SIPA1L1: variants seen among roughly 807,000 people sequenced by gnomAD.
SIPA1L1 encodes the protein signal induced proliferation associated 1 like 1.
Under a neutral mutation model 162.7 loss-of-function variants are expected in SIPA1L1, and 26 were observed. The ratio of observed to expected loss-of-function variants is 0.16; its 90% CI spans 0.12 to 0.22. The LOEUF (loss-of-function observed/expected upper bound fraction) is 0.22. Among genes scored for constraint, SIPA1L1 ranks in the 10% least tolerant of loss-of-function variants. SIPA1L1 has a pLI of 1.00. For missense variants in SIPA1L1, 1,874 were observed against 2,241.0 expected (o/e 0.84, Z 3.31); for synonymous variants, 829 against 837.4 (o/e 0.99, Z 0.17).
chr14:71,497,059 C>T (rs902075096), intron 2 of SIPA1L1, among the ~76,000 whole-genome samples: 2 of 152,188 alleles, frequency 1.3e-5, no homozygotes, highest in African/African-American at 4.8e-5. Flanking sequence ...ATCCCAGCTA[C>T]TCAGGAGGCT....
At chr14:71,320,675 C>T (rs1032358131) in intron 1 of SIPA1L1, 172 bp downstream of exon 1, 2 of 146,942 alleles carry the variant, frequency 1.4e-5, no homozygotes, top group African/African-American at 5.0e-5. Flanking sequence ...TTACCTGTCC[C>T]CTCCCCCATG....
intron 12 of SIPA1L1, among the ~76,000 whole-genome samples, chr14:71,676,625 C>T (rs1179610896): frequency 1.9e-5 from 2 of 105,616 alleles, no homozygotes; most frequent in South Asian, 4.2e-4. Context: ...TCCCTCCCCC[C>T]TCCCCCCACC....
intron 11 of SIPA1L1, among the ~76,000 whole-genome samples, chr14:71,671,940 T>TGTGTGC (rs1566615589): frequency 7.3e-6 from 1 of 136,872 alleles, no homozygotes; most frequent in Non-Finnish European, 1.6e-5. Context: ...TGTGTGTGTG[T>TGTGTGC]GTGCGTTCAT....
intron 2 of SIPA1L1, among the ~76,000 whole-genome samples, chr14:71,354,863 GT>G (rs1038201375): frequency 7.2e-5 from 11 of 152,138 alleles, no homozygotes; most frequent in African/African-American, 2.4e-4. Flanking sequence ...ACTATAAATT[GT>G]TTGATAAAAG....
At chr14:71,551,794 G>A (rs1278537848) in intron 4 of SIPA1L1, among the ~76,000 whole-genome samples, 2 of 152,032 alleles carry the variant, frequency 1.3e-5, no homozygotes, top group Non-Finnish European at 2.9e-5. Flanking sequence ...TGGACACGCT[G>A]TTTGCTCATG....
At chr14:71,418,625 A>C (rs1566997635) in intron 2 of SIPA1L1, among the ~76,000 whole-genome samples, 1 of 152,212 alleles carries the variant, frequency 6.6e-6, no homozygotes, top group Non-Finnish European at 1.5e-5. Context: ...GTTGATCATG[A>C]ATTGCTAATG....
chr14:71,349,464 T>C (rs1417255494), intron 2 of SIPA1L1, among the ~76,000 whole-genome samples: 1 of 152,212 alleles, frequency 6.6e-6, no homozygotes, highest in African/African-American at 2.4e-5. Context: ...GGGGGTAATG[T>C]ATTCTGAGCC....
intron 2 of SIPA1L1, among the ~76,000 whole-genome samples, chr14:71,413,014 G>A (rs2042515621): frequency 6.6e-6 from 1 of 152,134 alleles, no homozygotes; most frequent in Non-Finnish European, 1.5e-5. Context: ...TGGTTTCTTC[G>A]GAACAGGGTT....
chr14:71,616,993 G>A (rs1209550981), intron 5 of SIPA1L1, among the ~76,000 whole-genome samples: 3 of 152,178 alleles, frequency 2.0e-5, no homozygotes, highest in Non-Finnish European at 4.4e-5. Flanking sequence ...TGAAGTACGA[G>A]GACCAGGTAA....
At position 71,563,432 on chromosome 14, in the gene SIPA1L1, G is replaced by A. The variant is rs866418729; in HGVS notation, c.-302-24139G>A. Among the ~76,000 whole-genome samples the A allele has an allele frequency of 2.0e-5, 3 of 151,692 alleles. No homozygotes were observed. In the South Asian group the frequency reaches 6.2e-4, roughly 31 times the overall value. The stretch of plus-strand genomic sequence containing the variant: ...ATACAAACTGAGGTTCTTTTAATAA[G>A]TTAAAGTAATTTGCTTTTGTTTTTG... On this transcript the variant is annotated intron_variant, in intron 4 of 23. Transcript: ENST00000381232.
At chr14:71,685,727 A>G in intron 13 of SIPA1L1, 96 bp downstream of exon 13, 2 of 1,457,006 alleles carry the variant, frequency 1.4e-6, no homozygotes, top group Admixed American at 4.3e-5. Context: ...CTCATATTTT[A>G]CTAGAAACAA....
intron 2 of SIPA1L1, among the ~76,000 whole-genome samples, chr14:71,373,684 A>G (rs1462630499): frequency 6.6e-6 from 1 of 151,386 alleles, no homozygotes; most frequent in Non-Finnish European, 1.5e-5. Flanking sequence ...AGTTACCAGT[A>G]TTTAAAAATG....
intron 22 of SIPA1L1, among the ~76,000 whole-genome samples, chr14:71,736,752 T>G (rs1054565468): frequency 2.0e-5 from 3 of 152,128 alleles, no homozygotes; most frequent in Non-Finnish European, 4.4e-5. Context: ...GAAGTGTGAG[T>G]GAGCCAAGAC....
At chr14:71,376,281 T>G (rs1363142563) in intron 2 of SIPA1L1, among the ~76,000 whole-genome samples, 1 of 152,098 alleles carries the variant, frequency 6.6e-6, no homozygotes, top group Non-Finnish European at 1.5e-5. Context: ...TCCAAGAAAT[T>G]TGTCCATTTC....
At chr14:71,723,090 G>A (rs996046011) in intron 17 of SIPA1L1, among the ~76,000 whole-genome samples, 2 of 152,250 alleles carry the variant, frequency 1.3e-5, no homozygotes, top group African/African-American at 2.4e-5. Flanking sequence ...TTTAACCGAT[G>A]TTTGAAATAC....
intron 4 of SIPA1L1, among the ~76,000 whole-genome samples, chr14:71,542,682 C>T (rs2054566289): frequency 8.3e-6 from 1 of 120,416 alleles, no homozygotes; most frequent in South Asian, 3.0e-4. Context: ...CCTCCTCCTC[C>T]TTCCTTCTCC....
intron 16 of SIPA1L1, among the ~76,000 whole-genome samples, chr14:71,707,947 C>T (rs1017075871): frequency 6.8e-6 from 1 of 148,128 alleles, no homozygotes; most frequent in African/African-American, 2.5e-5. Context: ...GGTTTTGATT[C>T]GTATTTCCCT....
chr14:71,431,583 A>G (rs541653976), intron 2 of SIPA1L1, among the ~76,000 whole-genome samples: 1 of 152,228 alleles, frequency 6.6e-6, no homozygotes, highest in South Asian at 2.1e-4. Flanking sequence ...ACTTCCAGCT[A>G]CTTGGGAGGC....
At chr14:71,465,952 C>T (rs1364426869) in intron 2 of SIPA1L1, among the ~76,000 whole-genome samples, 7 of 152,176 alleles carry the variant, frequency 4.6e-5, no homozygotes, top group Admixed American at 4.6e-4. Context: ...TGCTTATATT[C>T]ACTGACAGCT....
Sources: gnomAD v4.1 joint callset for allele counts (sites outside exome capture counted in the v4.1 genomes callset) on GRCh38, gnomAD v4.1.1 for gene constraint, MANE v1.5 for transcripts, NCBI Gene and HGNC (gene_info 2026-07-23, HGNC 2026-07-21) for gene names.